The following MC2R variants were observed in gnomAD, a reference collection of about 807,000 sequenced individuals.
MC2R encodes adrenocorticotropic hormone receptor.
In MC2R, 9 loss-of-function variants were observed where a neutral mutation model predicts 9.8. That is an observed-to-expected ratio of 0.92 (90% CI 0.55 to 1.60). The LOEUF is 1.60. Among genes scored for constraint, MC2R ranks in the 40% most tolerant of loss-of-function variants. The pLI, the probability that MC2R is intolerant of heterozygous loss-of-function variation, is 0.00. For missense variants in MC2R, 370 were observed against 389.0 expected, an observed-to-expected ratio of 0.95 and a Z score of 0.41; for synonymous variants, 185 against 154.7, an observed-to-expected ratio of 1.20 and a Z score of -1.45.
At chr18:13,895,881 T>C (rs1188651190) in intron 1 of MC2R, among the ~76,000 whole-genome samples, 1 of 152,142 alleles carries the variant, frequency 6.6e-6, no homozygotes, top group African/African-American at 2.4e-5. Flanking sequence ...AGGACAGTAG[T>C]AGATCAGATA....
At chr18:13,910,873 CCT>C (rs1048090533) in intron 1 of MC2R, among the ~76,000 whole-genome samples, 2 of 152,166 alleles carry the variant, frequency 1.3e-5, no homozygotes, top group African/African-American at 4.8e-5. Flanking sequence ...GGCAGATGCC[CCT>C]GTGTCCCAGT....
At chr18:13,914,364 C>A (rs2045464206) in intron 1 of MC2R, among the ~76,000 whole-genome samples, 3 of 152,186 alleles carry the variant, frequency 2.0e-5, no homozygotes, top group African/African-American at 7.2e-5. Context: ...AGCGCCGGGG[C>A]TCCAGGAGGC....
intron 1 of MC2R, among the ~76,000 whole-genome samples, chr18:13,906,181 A>C (rs2045413253): frequency 6.6e-6 from 1 of 152,262 alleles, no homozygotes; most frequent in African/African-American, 2.4e-5. Flanking sequence ...TACCAACCCA[A>C]ATGTCCATCA....
In MC2R at chr18:13,884,366, GTACC is replaced by G; in HGVS notation, c.*255_*258del. 1.9e-6 allele frequency: 1 copy of G among 537,136 alleles called. No homozygotes were observed. Among genetic ancestry groups the G allele is most frequent in the Admixed American group, 3.1e-5 (1 of 32,090 alleles). 33.3% of individuals were successfully genotyped at this position (537,136 alleles called of 1,614,324 possible). On this transcript the variant is annotated 3_prime_UTR_variant, in exon 2 of 2. Transcript: ENST00000327606. Reference sequence around the variant, plus strand: ...AATGGCAAAAACCTTAATTACTTTTGTACCTACCTAATACTTTGTATTCTATCCT... The same window carrying G: ...AATGGCAAAAACCTTAATTACTTTTGTACCTAATACTTTGTATTCTATCCT...
Position 13,884,029 on chromosome 18 carries a change from A to G in MC2R, c.*596T>C, listed in dbSNP as rs2045255478. On this transcript the variant is annotated 3_prime_UTR_variant, in exon 2 of 2. Coordinates refer to ENST00000327606, the MANE Select transcript of MC2R (RefSeq NM_000529.2). ...GAGGTGGCATCAATACATCAGACTA[A>G]CAGGGAGAAAGAGGAGGGTGGAGAT... 5.9e-6 allele frequency: 1 copy of G among 169,196 alleles called. No individual in the cohort carries two copies. Among genetic ancestry groups the G allele is most frequent in the Non-Finnish European group, 1.3e-5 (1 of 76,822 alleles). The allele number at this position is 169,196 out of a possible 1,614,324, so 10.5% of individuals were successfully genotyped here.
chr18:13,894,899 C>T (rs546613471), intron 1 of MC2R, among the ~76,000 whole-genome samples: 107 of 152,352 alleles, frequency 7.0e-4, no homozygotes, highest in Non-Finnish European at 1.2e-3. Context: ...TCAACCCACG[C>T]GACCTGTCTG....
Position 13,884,884 on chromosome 18 carries a change from CT to C in MC2R, c.634del (p.Arg212GlufsTer4), listed in dbSNP as rs1226345778. 5 of 1,613,864 alleles carry C rather than the reference CT, an allele frequency of 3.1e-6. No individual in the cohort carries two copies. In the African/African-American group the frequency reaches 6.7e-5, roughly 22 times the overall value. On this transcript the variant is annotated frameshift_variant, in exon 2 of 2. Coordinates refer to ENST00000327606, the MANE Select transcript of MC2R (RefSeq NM_000529.2). LOFTEE classifies it high-confidence loss of function. ...TGTGATGGCCCCTTTCATGTTGGCT[CT>C]GGGGAGGGTGGAGATCTTCCTGGTG... Reference protein sequence around the residue: ...SHTRKISTLPRANMKGAITLT... With the variant: ...SHTRKISTLPXANMKGAITLT...
chr18:13,890,860 G>A (rs1051713005), intron 1 of MC2R, among the ~76,000 whole-genome samples: 1 of 145,486 alleles, frequency 6.9e-6, no homozygotes, highest in African/African-American at 2.6e-5. Context: ...TCAGTCGTTA[G>A]GGTTTCTGGG....
chr18:13,883,349 T>C lies in MC2R; in HGVS notation c.*1276A>G, dbSNP rs1156934697. On this transcript the variant is annotated 3_prime_UTR_variant, in exon 2 of 2. Coordinates refer to ENST00000327606, the MANE Select transcript of MC2R (RefSeq NM_000529.2). ...TATTAAAAATGAATGAACTTGCAAA[T>C]TATGTTTCTTTTATTCCTACTGGGG... is the stretch of plus-strand genomic sequence containing the variant. The C allele has an allele frequency of 4.6e-5, 7 of 152,184 alleles. No individual in the cohort carries two copies. Among genetic ancestry groups the C allele is most frequent in the African/African-American group, 1.2e-4 (5 of 41,438 alleles). 9.4% of individuals were successfully genotyped at this position (152,184 alleles called of 1,614,324 possible).
At chr18:13,910,416 T>G (rs1490244304) in intron 1 of MC2R, among the ~76,000 whole-genome samples, 2 of 152,214 alleles carry the variant, frequency 1.3e-5, no homozygotes, top group African/African-American at 4.8e-5. Context: ...TGTTGGCTCT[T>G]CAAGCTCATC....
intron 1 of MC2R, among the ~76,000 whole-genome samples, chr18:13,889,245 C>T (rs761887687): frequency 2.6e-5 from 4 of 152,126 alleles, no homozygotes; most frequent in East Asian, 1.9e-4. Flanking sequence ...ACTCCTGGCC[C>T]GAAGACCAAG....
intron 1 of MC2R, among the ~76,000 whole-genome samples, chr18:13,886,321 A>G (rs535724766): frequency 6.6e-6 from 1 of 152,352 alleles, no homozygotes; most frequent in East Asian, 1.9e-4. Context: ...GAGCCGAGAG[A>G]TGATAGCAAA....
At chr18:13,889,395 A>G (rs2045299820) in intron 1 of MC2R, among the ~76,000 whole-genome samples, 1 of 152,222 alleles carries the variant, frequency 6.6e-6, no homozygotes, top group Non-Finnish European at 1.5e-5. Context: ...CTGTACCCAG[A>G]AAGAAACTTG....
chr18:13,908,288 C>T (rs1461360342), intron 1 of MC2R, among the ~76,000 whole-genome samples: 1 of 152,164 alleles, frequency 6.6e-6, no homozygotes, highest in Non-Finnish European at 1.5e-5. Flanking sequence ...AGACAAATGT[C>T]CCTTGTTCTC....
At chr18:13,892,891 G>C (rs2045325390) in intron 1 of MC2R, among the ~76,000 whole-genome samples, 1 of 151,808 alleles carries the variant, frequency 6.6e-6, no homozygotes, top group African/African-American at 2.4e-5. Context: ...CAGTGGTGTG[G>C]TCATGGCTCA....
intron 1 of MC2R, among the ~76,000 whole-genome samples, chr18:13,898,826 C>T (rs1335255063): frequency 6.6e-6 from 1 of 152,132 alleles, no homozygotes; most frequent in Non-Finnish European, 1.5e-5. Context: ...GCTTGGAGTG[C>T]CCCCTAAAGC....
intron 1 of MC2R, among the ~76,000 whole-genome samples, chr18:13,902,816 G>A (rs2149141256): frequency 6.6e-6 from 1 of 152,124 alleles, no homozygotes; most frequent in Middle Eastern, 3.4e-3. Flanking sequence ...ACAAGCACAG[G>A]TACCCAAACA....
At chr18:13,905,088 G>A (rs960987040) in intron 1 of MC2R, among the ~76,000 whole-genome samples, 1 of 152,154 alleles carries the variant, frequency 6.6e-6, no homozygotes, top group Non-Finnish European at 1.5e-5. Flanking sequence ...ACTATCATCA[G>A]TGTGAACAGG....
intron 1 of MC2R, among the ~76,000 whole-genome samples, chr18:13,892,030 C>A (rs914494975): frequency 6.6e-6 from 1 of 152,150 alleles, no homozygotes; most frequent in African/African-American, 2.4e-5. Context: ...ACACACAGGG[C>A]CAGGCAGGGT....
Sources: gnomAD v4.1 joint callset for allele counts (sites outside exome capture counted in the v4.1 genomes callset) on GRCh38, gnomAD v4.1.1 for gene constraint, MANE v1.5 for transcripts, NCBI Gene and HGNC (gene_info 2026-07-23, HGNC 2026-07-21) for gene names.